CLPSL1: variants seen among roughly 807,000 people sequenced by gnomAD.
CLPSL1 encodes the protein colipase-like protein 1.
CLPSL1 carries 13 observed loss-of-function variants against 9.3 expected under a neutral mutation model. The observed-to-expected ratio is 1.40, with a 90% CI of 0.91 to 2.22. CLPSL1 has a LOEUF of 2.22. Ranked by LOEUF, CLPSL1 falls within the 30% of genes most tolerant of loss-of-function variation. CLPSL1 has a pLI of 0.00. For synonymous variants in CLPSL1, 58 were observed against 56.9 expected (o/e 1.02, Z -0.08); for missense variants, 164 against 146.6 (o/e 1.12, Z -0.61).
At chr6:35,786,440 G>T (rs561964509) in intron 1 of CLPSL1, among the ~76,000 whole-genome samples, 1 of 152,284 alleles carries the variant, frequency 6.6e-6, no homozygotes, top group African/African-American at 2.4e-5. Context: ...TGTTTTTGTT[G>T]TTCCCAGCTG....
chr6:35,788,742 T>C (rs950242450), downstream of CLPSL1, among the ~76,000 whole-genome samples: 4 of 152,238 alleles, frequency 2.6e-5, no homozygotes, highest in Non-Finnish European at 4.4e-5. Context: ...AAAGAAAGAC[T>C]GGAGCAGCGA....
At chr6:35,792,098 A>AAAATAAAT (rs112994835), downstream of CLPSL1, among the ~76,000 whole-genome samples, 19,589 of 149,070 alleles carry the variant, frequency 0.13, 129 homozygotes, top group Non-Finnish European at 0.15. Flanking sequence ...CCCCGCCACA[A>AAAATAAAT]AAATAAATAA....
chr6:35,791,533 G>A (rs1179537912), downstream of CLPSL1, among the ~76,000 whole-genome samples: 5 of 152,186 alleles, frequency 3.3e-5, no homozygotes, highest in East Asian at 1.9e-4. Flanking sequence ...ACTTGAACCC[G>A]GGAGGCGGAG....
downstream of CLPSL1, among the ~76,000 whole-genome samples, chr6:35,790,292 A>G (rs1460266162): frequency 6.6e-6 from 1 of 152,270 alleles, no homozygotes. Flanking sequence ...ATGCTTTAAA[A>G]CAAAGTTGTT....
chr6:35,782,551 T>C (rs921198259), intron 1 of CLPSL1, among the ~76,000 whole-genome samples: 3 of 152,174 alleles, frequency 2.0e-5, no homozygotes, highest in Admixed American at 2.0e-4. Flanking sequence ...TCTGCTGGTG[T>C]CCAGGAAGTC....
At chr6:35,783,277 G>C (rs765029388) in intron 1 of CLPSL1, among the ~76,000 whole-genome samples, 9 of 152,198 alleles carry the variant, frequency 5.9e-5, no homozygotes, top group Non-Finnish European at 1.0e-4. Context: ...TTGGAAGGCC[G>C]AGGCAAGTGG....
intron 1 of CLPSL1, among the ~76,000 whole-genome samples, chr6:35,786,208 C>T (rs1768070455): frequency 1.3e-5 from 2 of 152,074 alleles, no homozygotes; most frequent in Admixed American, 1.3e-4. Context: ...GCCGAAATCA[C>T]GCCACTGCAT....
chr6:35,791,237 A>G (rs1359094390), downstream of CLPSL1, among the ~76,000 whole-genome samples: 1 of 152,274 alleles, frequency 6.6e-6, no homozygotes, highest in East Asian at 1.9e-4. Flanking sequence ...TAGGGAATAA[A>G]GTACAGATGC....
intron 1 of CLPSL1, 50 bp downstream of exon 1, chr6:35,781,259 C>A (rs889121621): frequency 6.3e-7 from 1 of 1,598,460 alleles, no homozygotes; most frequent in East Asian, 2.2e-5. Context: ...GTCCTAAGGC[C>A]TGTACTATTT....
intron 2 of CLPSL1, 52 bp from the exon 3 acceptor site, chr6:35,787,815 G>A (rs1768112276): frequency 3.2e-6 from 5 of 1,567,084 alleles, no homozygotes; most frequent in Admixed American, 1.7e-5. Flanking sequence ...GGGCTTAGGG[G>A]CTCAGGGAAG....
At chr6:35,782,395 T>C (rs1290558116) in intron 1 of CLPSL1, among the ~76,000 whole-genome samples, 2 of 152,202 alleles carry the variant, frequency 1.3e-5, no homozygotes, top group African/African-American at 4.8e-5. Flanking sequence ...CTAAGAAATA[T>C]AGCAGTGAAC....
intron 1 of CLPSL1, 80 bp from the exon 2 acceptor site, chr6:35,786,918 G>T: frequency 2.0e-6 from 3 of 1,507,202 alleles, no homozygotes; most frequent in South Asian, 1.2e-5. Flanking sequence ...GAGGAGCCCC[G>T]TAGGGAGAAA....
At chr6:35,785,940 C>A (rs1298966838) in intron 1 of CLPSL1, among the ~76,000 whole-genome samples, 2 of 76,948 alleles carry the variant, frequency 2.6e-5, no homozygotes, top group African/African-American at 1.1e-4. Flanking sequence ...CAGAGTGAGA[C>A]TTTGTCAAAA....
At chr6:35,791,348 C>T (rs546308228), downstream of CLPSL1, among the ~76,000 whole-genome samples, 31 of 152,378 alleles carry the variant, frequency 2.0e-4, no homozygotes, top group African/African-American at 7.0e-4. Flanking sequence ...CGGGGGCTCA[C>T]GCCTGTAATC....
chr6:35,785,064 G>T (rs916616237), intron 1 of CLPSL1, among the ~76,000 whole-genome samples: 18 of 152,066 alleles, frequency 1.2e-4, no homozygotes, highest in African/African-American at 3.4e-4. Context: ...GACCACATGC[G>T]CAGTGTCCTC....
chr6:35,781,051 C>T lies in CLPSL1; in HGVS notation c.-60C>T, dbSNP rs1767956264. The T allele has an allele frequency of 6.3e-6, 10 of 1,598,432 alleles. No individual in the cohort carries two copies. The highest frequency in any genetic ancestry group is 1.7e-5 in the Admixed American group (1 of 58,846). On this transcript the variant is annotated 5_prime_UTR_variant, in exon 1 of 3. Coordinates refer to ENST00000373861, the MANE Select transcript of CLPSL1 (RefSeq NM_001010886.5). ...GTTCCCACAGCTGGGAGGACACCCA[C>T]ATGGTCGGCGTGCAGGATATTTCGC...
In CLPSL1 at chr6:35,781,061, G is replaced by A. The variant is rs374831594; in HGVS notation, c.-50G>A. On this transcript the variant is annotated 5_prime_UTR_variant, in exon 1 of 3. It adds an upstream start codon to the 5' untranslated region. Coordinates refer to ENST00000373861, the MANE Select transcript of CLPSL1 (RefSeq NM_001010886.5). ...CTGGGAGGACACCCACATGGTCGGC[G>A]TGCAGGATATTTCGCTGGACCCTAG... The A allele has an allele frequency of 2.2e-5, 36 of 1,606,398 alleles. No homozygotes were observed. The East Asian group carries it at 2.9e-4, about 13-fold the overall frequency.
intron 2 of CLPSL1, 76 bp downstream of exon 2, chr6:35,787,196 G>T: frequency 6.6e-7 from 1 of 1,519,740 alleles, no homozygotes. Context: ...GATTCCTGGG[G>T]AGGAAAGAAG....
chr6:35,793,524 G>A (rs189427448), exon 2 of CLPSL1: 53 of 471,814 alleles, frequency 1.1e-4, no homozygotes, highest in Admixed American at 8.5e-4. Context: ...TTCGAATACG[G>A]TGAGAACGTG....
Sources: gnomAD v4.1 joint callset for allele counts (sites outside exome capture counted in the v4.1 genomes callset) on GRCh38, gnomAD v4.1.1 for gene constraint, MANE v1.5 for transcripts, NCBI Gene and HGNC (gene_info 2026-07-23, HGNC 2026-07-21) for gene names.